TLE2: variants seen among roughly 807,000 people sequenced by gnomAD.
The protein encoded by TLE2 is TLE family member 2, transcriptional corepressor.
Under a neutral mutation model 97.2 loss-of-function variants are expected in TLE2, and 74 were observed. That is an observed-to-expected ratio of 0.76 (90% confidence interval 0.63 to 0.92). TLE2 has a LOEUF of 0.92. TLE2 is among the 40% of genes least tolerant of loss of function. TLE2 has a pLI of 0.00. For missense variants in TLE2, 1,038 were observed against 1,008.7 expected (o/e 1.03, Z -0.39); for synonymous variants, 499 against 432.1 (o/e 1.15, Z -1.92).
chr19:3,001,768 C>T (rs2089365516), intron 18 of TLE2, among the ~76,000 whole-genome samples: 1 of 150,194 alleles, frequency 6.7e-6, no homozygotes, highest in African/African-American at 2.5e-5. Flanking sequence ...AGCTACTGTG[C>T]CTGGCTTAAA....
intron 12 of TLE2, among the ~76,000 whole-genome samples, chr19:3,010,758 C>G (rs1340567138): frequency 6.6e-6 from 1 of 152,154 alleles, no homozygotes; most frequent in African/African-American, 2.4e-5. Context: ...CTGTCTGGCC[C>G]CAAAGATTGT....
chr19:3,002,231 G>C, intron 18 of TLE2, 122 bp downstream of exon 18: 1 of 1,237,438 alleles, frequency 8.1e-7, no homozygotes, highest in Non-Finnish European at 1.1e-6. Flanking sequence ...ATTTGCTTTT[G>C]AGTATATAAA....
In TLE2 at chr19:3,045,650, C is replaced by T. The variant is rs558557591; in HGVS notation, c.63+76G>A. On this transcript the variant is annotated intron_variant, in intron 1 of 18. Transcript: ENST00000426948. ...TGGCCAACATGGTGAAACCACCCCCCACCCCACCCCGTCTCTACTAAAAAT... is the reference window on the plus strand; with the variant it reads ...TGGCCAACATGGTGAAACCACCCCCTACCCCACCCCGTCTCTACTAAAAAT... 4.4e-5 allele frequency: 17 copies of T among 386,980 alleles called. No homozygotes were observed. The East Asian group carries it at 1.2e-3, about 28-fold the overall frequency. The allele number at this position is 386,980 out of a possible 1,614,324, so 24.0% of individuals were successfully genotyped here. A position where few individuals can be genotyped will look rare whatever the true frequency, so the allele number is the denominator to read the frequency against.
At chr19:3,025,574 G>A (rs2089928952) in intron 4 of TLE2, 2 of 986,940 alleles carry the variant, frequency 2.0e-6, no homozygotes, top group South Asian at 9.4e-5. Context: ...ATGCCTCCAG[G>A]TGGAGATCTC....
chr19:3,039,440 C>T (rs1377381223), intron 1 of TLE2, among the ~76,000 whole-genome samples: 1 of 152,104 alleles, frequency 6.6e-6, no homozygotes, highest in South Asian at 2.1e-4. Flanking sequence ...AGAGTCTAGC[C>T]TCAAGACCTC....
intron 5 of TLE2, among the ~76,000 whole-genome samples, chr19:3,023,411 T>G (rs1005074996): frequency 1.3e-5 from 2 of 152,198 alleles, no homozygotes; most frequent in East Asian, 3.9e-4. Context: ...GCTCTTTATG[T>G]TCTGTGTCTA....
chr19:3,038,147 T>C (rs1037224485), intron 1 of TLE2, among the ~76,000 whole-genome samples: 3 of 151,938 alleles, frequency 2.0e-5, no homozygotes, highest in Admixed American at 2.0e-4. Context: ...ACAATAACAA[T>C]AATAATAATG....
chr19:3,028,282 G>A, intron 3 of TLE2, 37 bp downstream of exon 3: 2 of 1,585,572 alleles, frequency 1.3e-6, no homozygotes, highest in South Asian at 1.1e-5. Context: ...AGCCCTGCCC[G>A]CCTCTCCCCT....
At chr19:3,023,379 G>A (rs960677095) in intron 5 of TLE2, among the ~76,000 whole-genome samples, 1 of 151,746 alleles carries the variant, frequency 6.6e-6, no homozygotes, top group Non-Finnish European at 1.5e-5. Context: ...AGACCACCTC[G>A]TCCCCACTTT....
intron 1 of TLE2, among the ~76,000 whole-genome samples, chr19:3,040,843 T>C (rs558806653): frequency 1.3e-5 from 2 of 148,792 alleles, no homozygotes; most frequent in South Asian, 4.3e-4. Context: ...TGCTATATTA[T>C]CGACCTCAAT....
chr19:3,035,695 T>C (rs1030435797), intron 1 of TLE2, among the ~76,000 whole-genome samples: 3 of 152,088 alleles, frequency 2.0e-5, no homozygotes, highest in Admixed American at 1.3e-4. Flanking sequence ...CCCACATGGG[T>C]CAGTGACGTC....
upstream of TLE2, among the ~76,000 whole-genome samples, chr19:3,046,331 T>C (rs138004716): frequency 1.3e-3 from 195 of 152,330 alleles, no homozygotes; most frequent in African/African-American, 4.1e-3. Flanking sequence ...CTGCAGACAA[T>C]TCAGCCAGCG....
Position 3,019,533 on chromosome 19 carries a change from G to A in TLE2, c.370-70C>T. 6.7e-7 allele frequency: 1 copy of A among 1,482,028 alleles called. No individual in the cohort carries two copies. The highest frequency in any genetic ancestry group is 9.0e-7 in the Non-Finnish European group (1 of 1,116,480). The allele number at this position is 1,482,028 out of a possible 1,614,324, so 91.8% of individuals were successfully genotyped here. A position where few individuals can be genotyped will look rare whatever the true frequency, so the allele number is the denominator to read the frequency against. ...AGCCCAGCGGTCCCCAGCCCAAGAG[G>A]TAGACACAGGGGATGGGACCTAAGC... is the stretch of plus-strand genomic sequence containing the variant. On this transcript the variant is annotated intron_variant, in intron 6 of 19. Coordinates refer to ENST00000262953, the MANE Select transcript of TLE2 (RefSeq NM_003260.5). This position sits in a 1 kb window ranked among gnomAD's most constrained non-coding sequence, Gnocchi z 5.1.
Position 3,011,168 on chromosome 19 carries a change from G to A in TLE2, c.874-8C>T, listed in dbSNP as rs1351784641. 6 of 1,585,074 alleles carry A rather than the reference G, an allele frequency of 3.8e-6. No homozygotes were observed. Among genetic ancestry groups the A allele is most frequent in the African/African-American group, 1.3e-5 (1 of 74,310 alleles). On this transcript the variant is annotated splice_polypyrimidine_tract_variant and splice_region_variant and intron_variant, in intron 11 of 19. Transcript: ENST00000262953. The stretch of plus-strand genomic sequence containing the variant: ...GCTGGCGGGAAGGTCATTCTGCAGA[G>A]AAAGGGCAGGACTGAAGGCCACCAG...
chr19:3,038,446 C>A lies in TLE2; in HGVS notation c.63+7280G>T, dbSNP rs578253257. ...CAGACTGGTCTTCAACTCCTGGGCT[C>A]AAGCAGTCCTCTTCCCTCAGCTTCA... is the stretch of plus-strand genomic sequence containing the variant. On this transcript the variant is annotated intron_variant, in intron 1 of 18. Transcript: ENST00000426948. 6.6e-5 allele frequency among the ~76,000 whole-genome samples: 10 copies of A among 152,332 alleles called. No individual in the cohort carries two copies. In the South Asian group the frequency reaches 8.3e-4, roughly 13 times the overall value.
In TLE2 at chr19:3,011,071, ACTGGCCGAGCTGGGCC is replaced by A. The variant is rs1475168087; in HGVS notation, c.947_962del (p.Gly316ValfsTer19). The A allele has an allele frequency of 6.2e-7, 1 of 1,608,126 alleles. No homozygotes were observed. The highest frequency in any genetic ancestry group is 1.7e-5 in the Admixed American group (1 of 59,224). ...GCTTGGCAGCAAGCTGGCAGAGGTG[ACTGGCCGAGCTGGGCC>A]CGGGGGTGGAAGCGTCCTGGGGCGG... is the stretch of plus-strand genomic sequence containing the variant. On this transcript the variant is annotated frameshift_variant, in exon 12 of 20. Coordinates refer to ENST00000262953, the MANE Select transcript of TLE2 (RefSeq NM_003260.5). LOFTEE classifies it high-confidence loss of function.
In TLE2 at chr19:3,002,426, G is replaced by A. The variant is rs371606290; in HGVS notation, c.1974C>T (p.His658=). 80 of 1,613,246 alleles carry A rather than the reference G, an allele frequency of 5.0e-5. No individual in the cohort carries two copies. In the East Asian group the frequency reaches 8.5e-4, roughly 17 times the overall value. ...GCTGGTATTTCTCCGGCTTGCGGACGTGCAGGATCTCCACGTTGCTACTCT... is the reference window on the plus strand; with the variant it reads ...GCTGGTATTTCTCCGGCTTGCGGACATGCAGGATCTCCACGTTGCTACTCT... The part of the protein sequence containing the change: ...GMESSNVEIL[H]VRKPEKYQLH... Residue 658 remains histidine, a synonymous_variant, in exon 18 of 20, where the codon CAC becomes CAT. Transcript: ENST00000262953.
intron 1 of TLE2, among the ~76,000 whole-genome samples, chr19:3,043,508 T>C (rs1202537728): frequency 6.6e-6 from 1 of 151,106 alleles, no homozygotes; most frequent in Non-Finnish European, 1.5e-5. Context: ...TCAGAAAACA[T>C]CTACCTGGGA....
Position 3,017,839 on chromosome 19 carries a change from C to A in TLE2, c.570+1G>T. ...AGAGTCCCAGGGTGCCACTCACTTA[C>A]CCTGCTCGGGGCTCTCTCCACTGAC... On this transcript the variant is annotated splice_donor_variant, in intron 8 of 19. Transcript: ENST00000262953. LOFTEE classifies it high-confidence loss of function. 1 of 1,612,182 alleles carries A rather than the reference C, an allele frequency of 6.2e-7. No individual in the cohort carries two copies. Among genetic ancestry groups the A allele is most frequent in the Non-Finnish European group, 8.5e-7 (1 of 1,179,138 alleles).
Sources: allele counts gnomAD v4.1 joint callset (sites outside exome capture counted in the v4.1 genomes callset), GRCh38; gene constraint gnomAD v4.1.1; non-coding constraint Gnocchi (gnomAD v3.1); transcripts MANE v1.5; gene names NCBI Gene and HGNC (gene_info 2026-07-23, HGNC 2026-07-21).